ZNF365: variants seen among roughly 807,000 people sequenced by gnomAD.
ZNF365 encodes the protein zinc finger protein 365.
Under a neutral mutation model 35.0 loss-of-function variants are expected in ZNF365, and 22 were observed. The observed-to-expected ratio is 0.63, with a 90% confidence interval of 0.45 to 0.90. The LOEUF (loss-of-function observed/expected upper bound fraction) is 0.90, where lower values mean the gene tolerates loss of function less well. Ranked by LOEUF, ZNF365 falls within the 40% of genes least tolerant of loss-of-function variation. ZNF365 has a pLI of 0.00. For missense variants in ZNF365, 448 were observed against 500.3 expected, an observed-to-expected ratio of 0.90 and a Z score of 1.00; for synonymous variants, 188 against 196.2, an observed-to-expected ratio of 0.96 and a Z score of 0.35.
Position 62,376,871 on chromosome 10 carries a change from G to A in ZNF365, c.678G>A (p.Val226=). The A allele has an allele frequency of 6.2e-7, 1 of 1,614,130 alleles. No homozygotes were observed. Among genetic ancestry groups the A allele is most frequent in the Non-Finnish European group, 8.5e-7 (1 of 1,180,030 alleles). ...TAAACAGACAGGTGGACGTGGCCGT[G>A]GAAATGATAGCTGTACTGAGGCAAC... ...RALNRQVDVA[V]EMIAVLRQRL... The change falls in exon 2 of 5, where the codon GTG becomes GTA. Residue 226 remains valine, a synonymous_variant. Coordinates refer to ENST00000395254, the MANE Select transcript of ZNF365 (RefSeq NM_014951.3).
chr10:62,476,746 G>A (rs1478888290), intron 4 of ZNF365, among the ~76,000 whole-genome samples: 3 of 152,196 alleles, frequency 2.0e-5, no homozygotes, highest in Admixed American at 6.5e-5. Flanking sequence ...GATCTGAATT[G>A]TTTTTATAAT....
intron 3 of ZNF365, among the ~76,000 whole-genome samples, chr10:62,443,903 T>C (rs967850285): frequency 1.3e-5 from 2 of 152,198 alleles, no homozygotes; most frequent in Non-Finnish European, 2.9e-5. Flanking sequence ...AACTTAAATA[T>C]GCAATGATTA....
At chr10:62,457,984 C>T (rs1840787289) in intron 3 of ZNF365, among the ~76,000 whole-genome samples, 1 of 152,192 alleles carries the variant, frequency 6.6e-6, no homozygotes, top group African/African-American at 2.4e-5. Flanking sequence ...CTTAGCTCTC[C>T]CAGGGAGACA....
At chr10:62,398,316 A>G (rs1839765798) in intron 3 of ZNF365, among the ~76,000 whole-genome samples, 2 of 152,226 alleles carry the variant, frequency 1.3e-5, no homozygotes, top group African/African-American at 4.8e-5. Flanking sequence ...TTGGAGCTGG[A>G]GGCCATTATT....
chr10:62,474,677 T>A (rs1373254936), intron 4 of ZNF365, among the ~76,000 whole-genome samples: 1 of 152,212 alleles, frequency 6.6e-6, no homozygotes, highest in African/African-American at 2.4e-5. Flanking sequence ...ACCTCAGATC[T>A]CTTCTGAGCT....
Position 62,399,845 on chromosome 10 carries a change from G to C in ZNF365, c.*56G>C. On this transcript the variant is annotated 3_prime_UTR_variant, in exon 5 of 5. Transcript: ENST00000395254. ...TGGGCTTTGGGGAACGTTGTTCCAG[G>C]AGCCAACAGTAATGTCTTTCTGGAA... 6.5e-7 allele frequency: 1 copy of C among 1,542,668 alleles called. No homozygotes were observed. The highest frequency in any genetic ancestry group is 1.4e-5 in the African/African-American group (1 of 72,652).
intron 4 of ZNF365, among the ~76,000 whole-genome samples, chr10:62,467,331 A>G (rs1840960588): frequency 6.6e-6 from 1 of 152,156 alleles, no homozygotes; most frequent in Non-Finnish European, 1.5e-5. Context: ...GACAGTTTAT[A>G]GATAATTTGG....
chr10:62,427,453 C>T (rs577656626), intron 3 of ZNF365, among the ~76,000 whole-genome samples: 168 of 152,272 alleles, frequency 1.1e-3, no homozygotes, highest in Non-Finnish European at 1.7e-3. Context: ...TGTGTGAGTA[C>T]ACTCTATTTT....
At chr10:62,433,275 G>T (rs1266117896) in intron 3 of ZNF365, among the ~76,000 whole-genome samples, 1 of 152,164 alleles carries the variant, frequency 6.6e-6, no homozygotes, top group Non-Finnish European at 1.5e-5. Context: ...AATTCTCTCA[G>T]ACAGTAGACA....
chr10:62,444,653 G>A (rs1331022130), intron 3 of ZNF365, among the ~76,000 whole-genome samples: 1 of 152,082 alleles, frequency 6.6e-6, no homozygotes, highest in East Asian at 1.9e-4. Flanking sequence ...ATGGGCCCTG[G>A]CAGTTAAACT....
chr10:62,420,182 A>G (rs928721094), intron 3 of ZNF365, among the ~76,000 whole-genome samples: 4 of 152,060 alleles, frequency 2.6e-5, no homozygotes, highest in African/African-American at 7.2e-5. Context: ...TTGGCCTACA[A>G]TTTTCCTTTT....
In ZNF365 at chr10:62,402,276, T is replaced by G. The variant is rs1036692391; in HGVS notation, c.*2487T>G. Reference sequence around the variant, plus strand: ...TGAACCGCTTTTCTTGCTTTTTCCCTTTTTCCCAAACTAGGTTACAGGTTC... The same window carrying G: ...TGAACCGCTTTTCTTGCTTTTTCCCGTTTTCCCAAACTAGGTTACAGGTTC... On this transcript the variant is annotated 3_prime_UTR_variant, in exon 5 of 5. Coordinates refer to ENST00000395254, the MANE Select transcript of ZNF365 (RefSeq NM_014951.3). 3 of 985,578 alleles carry G rather than the reference T, an allele frequency of 3.0e-6. No individual in the cohort carries two copies. The highest frequency in any genetic ancestry group is 1.2e-4 in the Admixed American group (2 of 16,258). 61.1% of individuals were successfully genotyped at this position (985,578 alleles called of 1,614,324 possible). A position where few individuals can be genotyped will look rare whatever the true frequency, so the allele number is the denominator to read the frequency against.
Position 62,401,007 on chromosome 10 carries a change from T to C in ZNF365, c.*1218T>C, listed in dbSNP as rs1839819043. On this transcript the variant is annotated 3_prime_UTR_variant, in exon 5 of 5. Coordinates refer to ENST00000395254, the MANE Select transcript of ZNF365 (RefSeq NM_014951.3). ...TTAAGAATTTCCTGCTGTATGATTT[T>C]CCTCAAGAATGAATTTCCATGTTAT... The C allele has an allele frequency of 8.1e-6, 8 of 985,460 alleles. No individual in the cohort carries two copies. Among genetic ancestry groups the C allele is most frequent in the Admixed American group, 6.2e-5 (1 of 16,260 alleles). 61.0% of individuals were successfully genotyped at this position (985,460 alleles called of 1,614,324 possible).
chr10:62,392,271 T>A (rs1839643715), intron 3 of ZNF365, among the ~76,000 whole-genome samples: 1 of 152,352 alleles, frequency 6.6e-6, no homozygotes, highest in African/African-American at 2.4e-5. Flanking sequence ...TCTTTGTTTT[T>A]GTTGCATTTG....
intron 3 of ZNF365, among the ~76,000 whole-genome samples, chr10:62,419,072 C>G (rs971277543): frequency 4.6e-5 from 7 of 152,086 alleles, no homozygotes. Flanking sequence ...TTGCTTTCCT[C>G]AAACAATGTG....
At chr10:62,385,495 G>C (rs1839510832) in intron 2 of ZNF365, among the ~76,000 whole-genome samples, 1 of 152,166 alleles carries the variant, frequency 6.6e-6, no homozygotes, top group African/African-American at 2.4e-5. Context: ...TCTTGCTTTT[G>C]TGATGCTAAT....
At chr10:62,452,710 A>G (rs1177487327) in intron 3 of ZNF365, among the ~76,000 whole-genome samples, 1 of 152,272 alleles carries the variant, frequency 6.6e-6, no homozygotes, top group Non-Finnish European at 1.5e-5. Flanking sequence ...ATCTCTTTAG[A>G]TCAATACACC....
intron 3 of ZNF365, among the ~76,000 whole-genome samples, chr10:62,447,120 G>A (rs905800501): frequency 6.6e-6 from 1 of 152,052 alleles, no homozygotes; most frequent in African/African-American, 2.4e-5. Flanking sequence ...TCCAAAAGTT[G>A]GATAGCAAGA....
intron 3 of ZNF365, among the ~76,000 whole-genome samples, chr10:62,394,225 G>T (rs1474418258): frequency 6.6e-6 from 1 of 152,054 alleles, no homozygotes; most frequent in Non-Finnish European, 1.5e-5. Context: ...CTCCCTGGAG[G>T]GTCATGTTGG....
Sources: gnomAD v4.1 joint callset for allele counts (sites outside exome capture counted in the v4.1 genomes callset) on GRCh38, gnomAD v4.1.1 for gene constraint, MANE v1.5 for transcripts, NCBI Gene and HGNC (gene_info 2026-07-23, HGNC 2026-07-21) for gene names.